PSTPIP2: variants seen among roughly 807,000 people sequenced by gnomAD.
The protein encoded by PSTPIP2 is proline-serine-threonine phosphatase-interacting protein 2.
PSTPIP2 carries 33 observed loss-of-function variants against 63.3 expected under a neutral mutation model. That is an observed-to-expected ratio of 0.52 (90% confidence interval 0.40 to 0.70). The LOEUF (loss-of-function observed/expected upper bound fraction) is 0.70. Among genes scored for constraint, PSTPIP2 ranks in the 30% least tolerant of loss-of-function variants. The pLI, the probability that PSTPIP2 is intolerant of heterozygous loss-of-function variation, is 0.00. For synonymous variants in PSTPIP2, 125 were observed against 132.7 expected (o/e 0.94, Z 0.40); for missense variants, 312 against 400.7 (o/e 0.78, Z 1.89).
chr18:46,020,994 C>T (rs755505001), intron 3 of PSTPIP2, among the ~76,000 whole-genome samples: 9 of 152,192 alleles, frequency 5.9e-5, no homozygotes, highest in Non-Finnish European at 1.2e-4. Context: ...TTTTCCATCA[C>T]ATCACCTCAA....
At chr18:46,015,273 G>T (rs1400165607) in intron 4 of PSTPIP2, among the ~76,000 whole-genome samples, 2 of 152,146 alleles carry the variant, frequency 1.3e-5, no homozygotes, top group Non-Finnish European at 2.9e-5. Context: ...CTTTATTCTG[G>T]ATACAAATGT....
At chr18:46,065,516 G>C (rs774559656) in intron 1 of PSTPIP2, among the ~76,000 whole-genome samples, 5 of 152,080 alleles carry the variant, frequency 3.3e-5, no homozygotes, top group Non-Finnish European at 7.4e-5. Flanking sequence ...GCCCAGGCTG[G>C]AGTATGGTGG....
intron 1 of PSTPIP2, among the ~76,000 whole-genome samples, chr18:46,064,938 G>T (rs1909127497): frequency 6.6e-6 from 1 of 151,398 alleles, no homozygotes; most frequent in Non-Finnish European, 1.5e-5. Context: ...TGAGGTCAGG[G>T]GTTCAAGACC....
chr18:46,058,189 G>A (rs2067175970), intron 1 of PSTPIP2, among the ~76,000 whole-genome samples: 1 of 151,968 alleles, frequency 6.6e-6, no homozygotes, highest in East Asian at 1.9e-4. Flanking sequence ...TACCTGTATA[G>A]GATGGGAGAC....
At chr18:46,046,566 G>T (rs1908392468) in intron 1 of PSTPIP2, among the ~76,000 whole-genome samples, 1 of 152,192 alleles carries the variant, frequency 6.6e-6, no homozygotes, top group South Asian at 2.1e-4. Context: ...GACTTGGAAT[G>T]CAGTTTGACA....
At chr18:46,014,691 C>G (rs1456820571) in intron 4 of PSTPIP2, among the ~76,000 whole-genome samples, 1 of 152,058 alleles carries the variant, frequency 6.6e-6, no homozygotes, top group Non-Finnish European at 1.5e-5. Flanking sequence ...GCTTGGGTGA[C>G]AGAGTGATGC....
intron 1 of PSTPIP2, among the ~76,000 whole-genome samples, chr18:46,060,271 A>T (rs928413668): frequency 6.6e-6 from 1 of 152,196 alleles, no homozygotes; most frequent in African/African-American, 2.4e-5. Context: ...AATTTTTGAA[A>T]GTGATTTCCA....
At chr18:46,005,215 G>C (rs1414395000) in intron 6 of PSTPIP2, among the ~76,000 whole-genome samples, 1 of 152,158 alleles carries the variant, frequency 6.6e-6, no homozygotes, top group East Asian at 1.9e-4. Context: ...AATTGAGAGG[G>C]AGGGTGAGAG....
chr18:46,071,839 T>C (rs1278993934), intron 1 of PSTPIP2, among the ~76,000 whole-genome samples: 1 of 152,240 alleles, frequency 6.6e-6, no homozygotes, highest in Non-Finnish European at 1.5e-5. Flanking sequence ...CTCGGCTCTC[T>C]GCGTCCTCAG....
intron 2 of PSTPIP2, among the ~76,000 whole-genome samples, chr18:46,037,742 C>G (rs140463446): frequency 1.3e-5 from 2 of 152,198 alleles, no homozygotes; most frequent in East Asian, 3.9e-4. Context: ...AGGCCACACG[C>G]TCAGGGGCTG....
intron 1 of PSTPIP2, among the ~76,000 whole-genome samples, chr18:46,047,405 T>C (rs1263010444): frequency 6.6e-6 from 1 of 152,138 alleles, no homozygotes; most frequent in African/African-American, 2.4e-5. Flanking sequence ...AAACCTCGTC[T>C]CTACTACAAA....
chr18:46,001,280 AG>A (rs1388511096), intron 6 of PSTPIP2, among the ~76,000 whole-genome samples: 1 of 152,226 alleles, frequency 6.6e-6, no homozygotes, highest in African/African-American at 2.4e-5. Context: ...TTTTGATAAC[AG>A]CCATCCTAAC....
At chr18:46,049,055 T>G (rs927855716) in intron 1 of PSTPIP2, among the ~76,000 whole-genome samples, 6 of 125,796 alleles carry the variant, frequency 4.8e-5, no homozygotes, top group African/African-American at 6.1e-5. Flanking sequence ...TGTGTGTGTG[T>G]GGAGAGAGAG....
chr18:46,013,148 A>C (rs1401057723), intron 4 of PSTPIP2, among the ~76,000 whole-genome samples: 1 of 152,006 alleles, frequency 6.6e-6, no homozygotes, highest in Non-Finnish European at 1.5e-5. Context: ...TAAAGCCAAA[A>C]AAATGATTTA....
Position 46,015,926 on chromosome 18 carries a change from C to T in PSTPIP2, c.224G>A (p.Arg75Gln), listed in dbSNP as rs766423295. Residue 75 changes from arginine (R) to glutamine (Q), a missense_variant, in exon 4 of 15, where the codon CGG becomes CAG. Arg to Gln is a conservative substitution (Grantham distance 43). Transcript: ENST00000409746. ...CGQSEINTLK[R>Q]ALEVFKQQVD... is the part of the protein sequence containing the mutation. ...ACGCTGCTTGAAGACTTCAAGGGCC[C>T]GCTTCAGGGTGCTAAAAAAAACAAG... is the stretch of plus-strand genomic sequence containing the variant. 4.3e-5 allele frequency: 70 copies of T among 1,612,122 alleles called. No homozygotes were observed. Among genetic ancestry groups the T allele is most frequent in the South Asian group, 1.3e-4 (12 of 90,826 alleles).
chr18:46,024,787 T>A, intron 2 of PSTPIP2, 101 bp from the exon 3 acceptor site: 1 of 858,614 alleles, frequency 1.2e-6, no homozygotes, highest in Non-Finnish European at 1.9e-6. Flanking sequence ...CCTGTGACCA[T>A]AGAAGCTCAG....
Position 46,069,637 on chromosome 18 carries a change from T to A in PSTPIP2, c.33+2519A>T, listed in dbSNP as rs538656256. Among the ~76,000 whole-genome samples the A allele has an allele frequency of 7.9e-5, 12 of 152,356 alleles. No homozygotes were observed. In the South Asian group the frequency reaches 2.5e-3, roughly 32 times the overall value. On this transcript the variant is annotated intron_variant, in intron 1 of 14. Coordinates refer to ENST00000409746, the MANE Select transcript of PSTPIP2 (RefSeq NM_024430.4). The stretch of plus-strand genomic sequence containing the variant: ...CAGATTCATCGAAGATTTCTTTAAA[T>A]AAATATTTTCATGAAGCATTTAAAT...
chr18:46,058,706 G>A (rs1449040296), intron 1 of PSTPIP2, among the ~76,000 whole-genome samples: 1 of 152,164 alleles, frequency 6.6e-6, no homozygotes, highest in Admixed American at 6.5e-5. Flanking sequence ...AAAATAAATA[G>A]CTCATGGAAT....
intron 1 of PSTPIP2, among the ~76,000 whole-genome samples, chr18:46,059,808 C>T (rs527322147): frequency 6.6e-6 from 1 of 151,804 alleles, no homozygotes; most frequent in Non-Finnish European, 1.5e-5. Flanking sequence ...GCGGGTGGAT[C>T]ACCTGAGGTC....
Sources: gnomAD v4.1 joint callset for allele counts (sites outside exome capture counted in the v4.1 genomes callset) on GRCh38, gnomAD v4.1.1 for gene constraint, MANE v1.5 for transcripts, NCBI Gene and HGNC (gene_info 2026-07-23, HGNC 2026-07-21) for gene names.